The following ATP6V1H variants were observed in gnomAD, a reference collection of about 807,000 sequenced individuals.
ATP6V1H encodes the protein ATPase H+ transporting V1 subunit H, also known as V-type proton ATPase subunit H.
Under a neutral mutation model 71.7 loss-of-function variants are expected in ATP6V1H, and 39 were observed. The ratio of observed to expected loss-of-function variants is 0.54; its 90% CI spans 0.42 to 0.71. The LOEUF is 0.71. ATP6V1H is among the 30% of genes least tolerant of loss of function. The pLI is 0.00. For missense variants in ATP6V1H, 509 were observed against 594.9 expected, an observed-to-expected ratio of 0.86 and a Z score of 1.50; for synonymous variants, 192 against 199.3, an observed-to-expected ratio of 0.96 and a Z score of 0.31.
chr8:53,812,075 C>A (rs1317750444), intron 6 of ATP6V1H, among the ~76,000 whole-genome samples: 1 of 152,110 alleles, frequency 6.6e-6, no homozygotes, highest in African/African-American at 2.4e-5. Flanking sequence ...AGTAATATCA[C>A]AAATAATTGT....
chr8:53,760,372 C>T (rs1193649217), intron 11 of ATP6V1H, among the ~76,000 whole-genome samples: 1 of 152,176 alleles, frequency 6.6e-6, no homozygotes, highest in Non-Finnish European at 1.5e-5. Flanking sequence ...GGACACTGAA[C>T]ATGACAGCCC....
chr8:53,829,554 A>C, intron 3 of ATP6V1H, 21 bp from the exon 4 acceptor site: 2 of 1,460,856 alleles, frequency 1.4e-6, no homozygotes, highest in South Asian at 1.2e-5. Context: ...AAATGAAATT[A>C]AAGTTATTGT....
At chr8:53,754,322 C>G (rs539608611) in intron 12 of ATP6V1H, among the ~76,000 whole-genome samples, 1 of 152,306 alleles carries the variant, frequency 6.6e-6, no homozygotes, top group East Asian at 1.9e-4. Flanking sequence ...TATCTATAAA[C>G]ACAACACTTG....
At chr8:53,767,950 T>C (rs1808526225) in intron 11 of ATP6V1H, among the ~76,000 whole-genome samples, 1 of 152,128 alleles carries the variant, frequency 6.6e-6, no homozygotes. Context: ...TTGATCGAAA[T>C]TTTAAAACTT....
At chr8:53,746,616 C>A (rs1807612145) in intron 12 of ATP6V1H, among the ~76,000 whole-genome samples, 1 of 152,128 alleles carries the variant, frequency 6.6e-6, no homozygotes, top group African/African-American at 2.4e-5. Flanking sequence ...TTACTCTCCA[C>A]CCCAGAGCCC....
chr8:53,720,699 C>T (rs1356462058), intron 13 of ATP6V1H, among the ~76,000 whole-genome samples: 1 of 152,226 alleles, frequency 6.6e-6, no homozygotes, highest in Non-Finnish European at 1.5e-5. Context: ...CACATGGTAA[C>T]TTCAGCTGTG....
chr8:53,788,066 A>G (rs1430054061), intron 9 of ATP6V1H, among the ~76,000 whole-genome samples: 1 of 152,222 alleles, frequency 6.6e-6, no homozygotes, highest in African/African-American at 2.4e-5. Flanking sequence ...ATCATTGTTA[A>G]AATCAGTTTG....
intron 3 of ATP6V1H, 29 bp downstream of exon 3, chr8:53,832,955 G>T: frequency 6.9e-7 from 1 of 1,441,556 alleles, no homozygotes; most frequent in Non-Finnish European, 9.7e-7. Context: ...ACACGGGGAA[G>T]TGTTCATTAT....
intron 4 of ATP6V1H, among the ~76,000 whole-genome samples, chr8:53,818,213 T>C (rs765873363): frequency 3.6e-4 from 55 of 152,350 alleles, no homozygotes; most frequent in Admixed American, 7.8e-4. Flanking sequence ...ATTTTTTTAC[T>C]ACACCACCAT....
At chr8:53,734,821 C>T (rs1239072513) in intron 13 of ATP6V1H, among the ~76,000 whole-genome samples, 1 of 151,990 alleles carries the variant, frequency 6.6e-6, no homozygotes, top group Non-Finnish European at 1.5e-5. Context: ...TGACCTTGTA[C>T]CTACTTATTC....
intron 1 of ATP6V1H, among the ~76,000 whole-genome samples, chr8:53,842,052 A>G (rs1341953434): frequency 2.0e-5 from 3 of 152,210 alleles, no homozygotes; most frequent in Non-Finnish European, 4.4e-5. Flanking sequence ...AAAAATTGTA[A>G]ATTTATACAA....
intron 2 of ATP6V1H, among the ~76,000 whole-genome samples, chr8:53,834,948 C>T (rs1811113931): frequency 6.6e-6 from 1 of 151,970 alleles, no homozygotes; most frequent in African/African-American, 2.4e-5. Context: ...TTAAGACAAG[C>T]CTGGGCAACA....
intron 9 of ATP6V1H, among the ~76,000 whole-genome samples, chr8:53,789,613 T>C (rs1809505401): frequency 6.7e-6 from 1 of 149,056 alleles, no homozygotes; most frequent in Admixed American, 6.6e-5. Context: ...GAAAGATACA[T>C]TCTTTGAAAC....
At chr8:53,735,352 G>A (rs112410177) in intron 13 of ATP6V1H, among the ~76,000 whole-genome samples, 7,648 of 152,192 alleles carry the variant, frequency 0.05, 644 homozygotes, top group African/African-American at 0.17. Flanking sequence ...GGCGTCTGTA[G>A]CTGACTTGGT....
chr8:53,807,097 T>C (rs1810101741), intron 7 of ATP6V1H, among the ~76,000 whole-genome samples: 1 of 152,238 alleles, frequency 6.6e-6, no homozygotes, highest in African/African-American at 2.4e-5. Flanking sequence ...TGTGGCCCAC[T>C]GATTTCTGCT....
chr8:53,715,840 T>C lies in ATP6V1H; in HGVS notation c.*124A>G, dbSNP rs1048412289. 1.3e-5 allele frequency: 9 copies of C among 703,976 alleles called. No homozygotes were observed. The highest frequency in any genetic ancestry group is 1.1e-4 in the African/African-American group (6 of 55,550). 43.6% of individuals were successfully genotyped at this position (703,976 alleles called of 1,614,324 possible). On this transcript the variant is annotated 3_prime_UTR_variant, in exon 14 of 14. Transcript: ENST00000359530. ...TGTTGTTGTTGTTTGGAAATTAGCATTGGGAAAAGCTATATAACAGAGGAA... is the reference window on the plus strand; with the variant it reads ...TGTTGTTGTTGTTTGGAAATTAGCACTGGGAAAAGCTATATAACAGAGGAA...
chr8:53,765,208 C>T (rs1335833189), intron 11 of ATP6V1H, among the ~76,000 whole-genome samples: 2 of 151,848 alleles, frequency 1.3e-5, no homozygotes, highest in East Asian at 3.9e-4. Flanking sequence ...TAGAGACTGG[C>T]CTGGCCAACA....
At chr8:53,760,315 A>G (rs1457717724) in intron 11 of ATP6V1H, among the ~76,000 whole-genome samples, 1 of 152,220 alleles carries the variant, frequency 6.6e-6, no homozygotes, top group Non-Finnish European at 1.5e-5. Flanking sequence ...GCATGCACAC[A>G]ACTTCAGTAA....
At position 53,810,529 on chromosome 8, in the gene ATP6V1H, C is replaced by G. The variant is rs538908289; in HGVS notation, c.579+635G>C. ...GGCCAAGGCAGGCGGATCACGAGGT[C>G]AAGAGATCGACACCATTCTGGCCAA... On this transcript the variant is annotated intron_variant, in intron 7 of 13. Coordinates refer to ENST00000359530, the MANE Select transcript of ATP6V1H (RefSeq NM_015941.4). Among the ~76,000 whole-genome samples, 336 of 152,080 alleles carry G rather than the reference C, an allele frequency of 2.2e-3. 2 individuals carry two copies. The highest frequency in any genetic ancestry group is 7.8e-3 in the African/African-American group (325 of 41,462).
Sources: gnomAD v4.1 joint callset for allele counts (sites outside exome capture counted in the v4.1 genomes callset) on GRCh38, gnomAD v4.1.1 for gene constraint, MANE v1.5 for transcripts, NCBI Gene and HGNC (gene_info 2026-07-23, HGNC 2026-07-21) for gene names.